Variants in LSAMP observed in about 807,000 individuals in gnomAD.
LSAMP encodes limbic system-associated membrane protein.
Under a neutral mutation model 38.6 loss-of-function variants are expected in LSAMP, and 7 were observed. The ratio of observed to expected loss-of-function variants is 0.18; its 90% confidence interval spans 0.10 to 0.34. The LOEUF (loss-of-function observed/expected upper bound fraction) is 0.34. Among genes scored for constraint, LSAMP ranks in the 10% least tolerant of loss-of-function variants. The probability of loss-of-function intolerance (pLI) is 1.00; values close to 1 mark genes in which losing one functional copy is unlikely to be tolerated. For missense variants in LSAMP, 313 were observed against 420.0 expected, an observed-to-expected ratio of 0.75 and a Z score of 2.23; for synonymous variants, 154 against 166.8, an observed-to-expected ratio of 0.92 and a Z score of 0.59.
chr3:116,209,085 C>T (rs529240568), intron 1 of LSAMP, among the ~76,000 whole-genome samples: 148 of 152,316 alleles, frequency 9.7e-4, no homozygotes, highest in South Asian at 4.4e-3. Flanking sequence ...GAGCCAGGTG[C>T]GGGATATAAT....
chr3:116,268,513 G>T (rs2046923877), intron 1 of LSAMP, among the ~76,000 whole-genome samples: 1 of 152,056 alleles, frequency 6.6e-6, no homozygotes, highest in African/African-American at 2.4e-5. Flanking sequence ...ATGTGAATCT[G>T]TAGGCTCATG....
At chr3:115,888,657 G>A (rs188709682) in intron 3 of LSAMP, among the ~76,000 whole-genome samples, 1 of 151,922 alleles carries the variant, frequency 6.6e-6, no homozygotes, top group Non-Finnish European at 1.5e-5. Flanking sequence ...CTTATTGCTT[G>A]GTCTCTTGAA....
At chr3:116,367,846 A>C (rs2048375845) in intron 1 of LSAMP, 1 of 151,990 alleles carries the variant, frequency 6.6e-6, no homozygotes, top group Non-Finnish European at 1.5e-5. Context: ...AAACAAACGA[A>C]CAAAAAAAAA....
At chr3:115,942,741 G>A (rs769232664) in intron 3 of LSAMP, among the ~76,000 whole-genome samples, 13 of 152,128 alleles carry the variant, frequency 8.5e-5, no homozygotes, top group Non-Finnish European at 1.9e-4. Flanking sequence ...CTAGGAATAC[G>A]TATTTTTAAA....
intron 1 of LSAMP, among the ~76,000 whole-genome samples, chr3:116,137,594 TG>T (rs1419700476): frequency 1.3e-5 from 2 of 152,120 alleles, no homozygotes; most frequent in Non-Finnish European, 2.9e-5. Flanking sequence ...TCTTTAATGC[TG>T]AAAAATAATC....
intron 1 of LSAMP, chr3:116,368,091 G>C: frequency 6.6e-6 from 1 of 152,278 alleles, no homozygotes; most frequent in Non-Finnish European, 1.5e-5. Context: ...AATATTAGCT[G>C]CTTGATAGGT....
chr3:116,193,131 C>T (rs1365973732), intron 1 of LSAMP, among the ~76,000 whole-genome samples: 1 of 152,082 alleles, frequency 6.6e-6, no homozygotes, highest in Non-Finnish European at 1.5e-5. Context: ...CTATGTCCTC[C>T]CTAAAATCAT....
intron 1 of LSAMP, among the ~76,000 whole-genome samples, chr3:116,164,123 C>A (rs1051467175): frequency 3.9e-5 from 6 of 152,072 alleles, no homozygotes; most frequent in African/African-American, 1.4e-4. Context: ...AATATTTGTA[C>A]AAATATTGGG....
intron 1 of LSAMP, among the ~76,000 whole-genome samples, chr3:116,363,877 T>G (rs1446967853): frequency 8.7e-6 from 1 of 115,528 alleles, no homozygotes; most frequent in Admixed American, 9.0e-5. Context: ...TAATAAGAGC[T>G]ATCTATGACA....
intron 1 of LSAMP, among the ~76,000 whole-genome samples, chr3:116,185,099 T>C (rs985163551): frequency 5.3e-5 from 8 of 149,722 alleles, no homozygotes; most frequent in African/African-American, 1.7e-4. Flanking sequence ...AGCTGGGTGA[T>C]AGATTTCTTC....
chr3:115,889,602 GA>G (rs543719088), intron 3 of LSAMP, among the ~76,000 whole-genome samples: 2 of 151,974 alleles, frequency 1.3e-5, no homozygotes, highest in Non-Finnish European at 2.9e-5. Context: ...CATAAATGGA[GA>G]AGATGGCATT....
chr3:115,984,979 A>G (rs1939467920), intron 3 of LSAMP, among the ~76,000 whole-genome samples: 1 of 152,184 alleles, frequency 6.6e-6, no homozygotes, highest in African/African-American at 2.4e-5. Flanking sequence ...CTGGAAATGA[A>G]GCTGGAAATA....
intron 1 of LSAMP, among the ~76,000 whole-genome samples, chr3:116,409,721 ATAAT>A (rs1486281974): frequency 1.4e-4 from 21 of 152,098 alleles, no homozygotes; most frequent in Non-Finnish European, 2.9e-5. Context: ...TATTTAGTTA[ATAAT>A]TAATTACTAG....
intron 1 of LSAMP, among the ~76,000 whole-genome samples, chr3:116,153,300 C>T (rs1709653862): frequency 6.6e-6 from 1 of 152,120 alleles, no homozygotes; most frequent in African/African-American, 2.4e-5. Context: ...TCTCAGACTA[C>T]ACCTACGTGA....
chr3:116,153,909 C>G (rs528078183), intron 1 of LSAMP, among the ~76,000 whole-genome samples: 3 of 152,030 alleles, frequency 2.0e-5, no homozygotes, highest in Middle Eastern at 3.4e-3. Flanking sequence ...TTTAGGGCAT[C>G]AAAACCAACC....
intron 1 of LSAMP, among the ~76,000 whole-genome samples, chr3:116,221,691 T>G (rs2107617303): frequency 6.6e-6 from 1 of 152,356 alleles, no homozygotes; most frequent in Non-Finnish European, 1.5e-5. Context: ...CTGGCAGAGC[T>G]GTTCTGATTA....
At position 116,223,029 on chromosome 3, in the gene LSAMP, C is replaced by T. The variant is rs370181100; in HGVS notation, c.156-136473G>A. 2.3e-4 allele frequency among the ~76,000 whole-genome samples: 35 copies of T among 152,098 alleles called. No homozygotes were observed. The East Asian group carries it at 2.5e-3, about 11-fold the overall frequency. On this transcript the variant is annotated intron_variant, in intron 1 of 6. Transcript: ENST00000490035. Reference sequence around the variant, plus strand: ...CTGGGATTACAGGCGTGAGCCACCGCGCCCGGCCTCAAAATACATAAACTG... The same window carrying T: ...CTGGGATTACAGGCGTGAGCCACCGTGCCCGGCCTCAAAATACATAAACTG...
intron 3 of LSAMP, among the ~76,000 whole-genome samples, chr3:116,003,460 C>T (rs1940059144): frequency 6.6e-6 from 1 of 152,110 alleles, no homozygotes; most frequent in Non-Finnish European, 1.5e-5. Flanking sequence ...GGGTTTGTTC[C>T]ACTCAAATCT....
intron 1 of LSAMP, among the ~76,000 whole-genome samples, chr3:116,119,139 C>T (rs536416646): frequency 1.3e-5 from 2 of 152,136 alleles, no homozygotes; most frequent in South Asian, 4.1e-4. Context: ...TTTGTCAGGG[C>T]TTGGATAGCA....
Sources: allele counts gnomAD v4.1 joint callset (sites outside exome capture counted in the v4.1 genomes callset), GRCh38; gene constraint gnomAD v4.1.1; transcripts MANE v1.5; gene names NCBI Gene and HGNC (gene_info 2026-07-23, HGNC 2026-07-21).